The following ZNF277 variants were observed in gnomAD, a reference collection of about 807,000 sequenced individuals.
ZNF277 encodes the protein zinc finger protein 277.
Under a neutral mutation model 60.7 loss-of-function variants are expected in ZNF277, and 55 were observed. The observed-to-expected ratio is 0.91, with a 90% CI of 0.73 to 1.13. ZNF277 has a LOEUF of 1.13. Ranked by LOEUF, ZNF277 falls within the 50% of genes most tolerant of loss-of-function variation. The pLI, the probability that ZNF277 is intolerant of heterozygous loss-of-function variation, is 0.00. For missense variants in ZNF277, 510 were observed against 523.0 expected (o/e 0.98, Z 0.24); for synonymous variants, 178 against 179.3 (o/e 0.99, Z 0.06).
At chr7:112,340,005 T>C (rs1445226786) in intron 10 of ZNF277, 120 bp downstream of exon 10, 4 of 886,722 alleles carry the variant, frequency 4.5e-6, no homozygotes, top group East Asian at 2.4e-5. Flanking sequence ...TGTCTCTCTA[T>C]AGATGGTCTT....
chr7:112,287,096 A>G (rs755438966), intron 2 of ZNF277, 22 bp downstream of exon 2: 1 of 1,611,780 alleles, frequency 6.2e-7, no homozygotes, highest in African/African-American at 1.3e-5. Context: ...TTTTGTCCTT[A>G]AAAGAATTAA....
chr7:112,212,892 A>C (rs1249119813), intron 1 of ZNF277, among the ~76,000 whole-genome samples: 1 of 152,148 alleles, frequency 6.6e-6, no homozygotes, highest in Non-Finnish European at 1.5e-5. Flanking sequence ...ACACATTGAC[A>C]CTCAAAGTCA....
At chr7:112,236,358 T>C (rs1393673680) in intron 1 of ZNF277, among the ~76,000 whole-genome samples, 1 of 152,108 alleles carries the variant, frequency 6.6e-6, no homozygotes, top group Admixed American at 6.5e-5. Context: ...TATCCCTTGA[T>C]TACATTAGAC....
chr7:112,307,497 C>T (rs569715701), intron 4 of ZNF277, among the ~76,000 whole-genome samples: 4 of 151,028 alleles, frequency 2.6e-5, no homozygotes, highest in African/African-American at 4.9e-5. Flanking sequence ...TCACTGCAGC[C>T]TCCGCCTCCT....
In ZNF277 at chr7:112,342,578, A is replaced by G. The variant is rs1793465163; in HGVS notation, c.1202A>G (p.Tyr401Cys). The G allele has an allele frequency of 3.7e-6, 6 of 1,605,452 alleles. No individual in the cohort carries two copies. The highest frequency in any genetic ancestry group is 5.1e-6 in the Non-Finnish European group (6 of 1,176,486). The change falls in exon 12 of 12, where the codon TAT (tyrosine) becomes TGT (cysteine). Residue 401 changes from tyrosine to cysteine, a missense_variant. By Grantham distance (194) the Tyr-to-Cys change is radical. Transcript: ENST00000361822. Reference protein sequence around the residue: ...WDQLEYYFPTYENDTLLCTLS... With the variant: ...WDQLEYYFPTCENDTLLCTLS... ...GTTTTCAGGTATTATTTTCCAACCTATGAAAATGACACTCTCCTGTGTACA... is the reference window on the plus strand; with the variant it reads ...GTTTTCAGGTATTATTTTCCAACCTGTGAAAATGACACTCTCCTGTGTACA...
intron 2 of ZNF277, among the ~76,000 whole-genome samples, chr7:112,290,777 T>C (rs537783295): frequency 3.2e-4 from 48 of 152,248 alleles, no homozygotes; most frequent in African/African-American, 1.0e-3. Context: ...TCCCAAACAA[T>C]CCAGGTATTG....
At chr7:112,228,673 T>G (rs1022237326) in intron 1 of ZNF277, among the ~76,000 whole-genome samples, 8 of 152,144 alleles carry the variant, frequency 5.3e-5, no homozygotes, top group African/African-American at 1.9e-4. Flanking sequence ...ACTATCTTTT[T>G]ATTGTTTCAG....
chr7:112,321,880 T>C (rs530980123), intron 5 of ZNF277, among the ~76,000 whole-genome samples: 16 of 152,316 alleles, frequency 1.1e-4, no homozygotes, highest in South Asian at 8.3e-4. Context: ...TGTAAGGAGT[T>C]GACTTTTTTC....
intron 1 of ZNF277, among the ~76,000 whole-genome samples, chr7:112,221,582 A>G (rs748829891): frequency 9.2e-5 from 14 of 152,146 alleles, no homozygotes; most frequent in Non-Finnish European, 1.8e-4. Flanking sequence ...AATCAGTGGG[A>G]GCCCTGAGCT....
rs1466090528 is a variant in ZNF277, at chr7:112,206,759, G to C, written c.43G>C (p.Glu15Gln). ...CCAGGGGGCTGTCGCCCGAATGCAG[G>C]AAGACCGTGATGGGAGCTGCAGCAC... is the stretch of plus-strand genomic sequence containing the variant. ...KTQGAVARMQEDRDGSCSTVG... is the reference protein window; with the variant it reads ...KTQGAVARMQQDRDGSCSTVG... The change falls in exon 1 of 12, where the codon GAA (glutamate) becomes CAA (glutamine). Residue 15 changes from glutamate (E) to glutamine (Q), a missense_variant. Physicochemically the swap from Glu to Gln is conservative, Grantham distance 29. Coordinates refer to ENST00000361822, the MANE Select transcript of ZNF277 (RefSeq NM_021994.3). The C allele has an allele frequency of 6.2e-7, 1 of 1,613,194 alleles. No homozygotes were observed. The highest frequency in any genetic ancestry group is 8.5e-7 in the Non-Finnish European group (1 of 1,179,658).
chr7:112,219,267 G>A (rs899544553), intron 1 of ZNF277, among the ~76,000 whole-genome samples: 10 of 152,038 alleles, frequency 6.6e-5, no homozygotes, highest in Non-Finnish European at 1.5e-4. Context: ...CTGTGCTTTT[G>A]GGGTCGTGTA....
intron 1 of ZNF277, among the ~76,000 whole-genome samples, chr7:112,258,800 T>C (rs2117020724): frequency 6.6e-6 from 1 of 152,290 alleles, no homozygotes; most frequent in Admixed American, 6.5e-5. Flanking sequence ...CTTTATTATT[T>C]TGGCACCAAA....
chr7:112,220,334 G>T (rs76602473), intron 1 of ZNF277, among the ~76,000 whole-genome samples: 1 of 148,308 alleles, frequency 6.7e-6, no homozygotes. Flanking sequence ...TTTTTAATTC[G>T]TATGTTAGTG....
chr7:112,281,824 AT>A (rs998455408), intron 1 of ZNF277, among the ~76,000 whole-genome samples: 7 of 151,940 alleles, frequency 4.6e-5, no homozygotes, highest in Non-Finnish European at 1.0e-4. Context: ...ATTCTTTTTT[AT>A]TTATTTTTAT....
At chr7:112,217,205 T>C (rs1324773468) in intron 1 of ZNF277, among the ~76,000 whole-genome samples, 2 of 152,150 alleles carry the variant, frequency 1.3e-5, no homozygotes, top group Non-Finnish European at 2.9e-5. Flanking sequence ...CATAGAGTTA[T>C]GCAAAAAAGA....
chr7:112,266,054 TAAG>T lies in ZNF277; in HGVS notation c.92-20818_92-20816del, dbSNP rs202184043. 1.4e-4 allele frequency among the ~76,000 whole-genome samples: 21 copies of T among 152,298 alleles called. 1 individual carries two copies. The East Asian group carries it at 3.1e-3, about 22-fold the overall frequency. Reference sequence around the variant, plus strand: ...TTGGCTCTGCTGTGCTTTTAAATGATAAGGACAAATAGAAGCTGTGAGTAGTAT... The same window carrying T: ...TTGGCTCTGCTGTGCTTTTAAATGATGACAAATAGAAGCTGTGAGTAGTAT... On this transcript the variant is annotated intron_variant, in intron 1 of 11. Coordinates refer to ENST00000361822, the MANE Select transcript of ZNF277 (RefSeq NM_021994.3).
intron 1 of ZNF277, among the ~76,000 whole-genome samples, chr7:112,261,412 T>C (rs557492653): frequency 6.6e-6 from 1 of 152,354 alleles, no homozygotes; most frequent in Admixed American, 6.5e-5. Context: ...GCATTTCATA[T>C]GCCTAGCTCT....
intron 1 of ZNF277, among the ~76,000 whole-genome samples, chr7:112,232,039 A>G (rs949794159): frequency 1.4e-4 from 12 of 85,166 alleles, no homozygotes; most frequent in Non-Finnish European, 6.9e-5. Context: ...AAATAAATAA[A>G]TACATATATA....
chr7:112,307,218 C>T (rs1339320164), intron 4 of ZNF277, among the ~76,000 whole-genome samples: 1 of 151,988 alleles, frequency 6.6e-6, no homozygotes, highest in African/African-American at 2.4e-5. Flanking sequence ...GAGTTGGACC[C>T]CTTGTGTCTA....
Sources: gnomAD v4.1 joint callset for allele counts (sites outside exome capture counted in the v4.1 genomes callset) on GRCh38, gnomAD v4.1.1 for gene constraint, MANE v1.5 for transcripts, NCBI Gene and HGNC (gene_info 2026-07-23, HGNC 2026-07-21) for gene names.